EYA1: variants seen among roughly 807,000 people sequenced by gnomAD.
EYA1 encodes the protein protein phosphatase EYA1.
A neutral mutation model predicts 82.0 loss-of-function variants in EYA1; 16 were observed. The ratio of observed to expected loss-of-function variants is 0.20; its 90% CI spans 0.13 to 0.30. The LOEUF (loss-of-function observed/expected upper bound fraction) is 0.30, where lower values mean the gene tolerates loss of function less well. Ranked by LOEUF, EYA1 falls within the 10% of genes least tolerant of loss-of-function variation. The pLI, the probability that EYA1 is intolerant of heterozygous loss-of-function variation, is 1.00. For synonymous variants in EYA1, 261 were observed against 264.4 expected (o/e 0.99, Z 0.12); for missense variants, 633 against 730.7 (o/e 0.87, Z 1.54).
At position 71,354,820 on chromosome 8, in the gene EYA1, T is replaced by C; in HGVS notation, c.86A>G (p.His29Arg). Residue 29 changes from histidine to arginine, a missense_variant, in exon 3 of 18, where the codon CAT becomes CGT. By Grantham distance (29) the His-to-Arg change is conservative. Transcript: ENST00000340726. ...SPSGPKLGNS[H>R]INSNSMTPNG... ...GGGAGTCATGGAATTACTATTTATA[T>C]GAGAGTTACCGAGTTTGGGGCCACT... The C allele has an allele frequency of 1.2e-6, 2 of 1,613,688 alleles. No homozygotes were observed. The highest frequency in any genetic ancestry group is 8.5e-7 in the Non-Finnish European group (1 of 1,179,658).
In EYA1 at chr8:71,448,025, T is replaced by TAGGTAACGGAG. The variant is rs1554586955; in HGVS notation, c.33+87718_33+87719insCTCCGTTACCT. ...GTTTAAGAGCTTTTTTTTTTTTTTTTTCTCGCTCCGTTGCCCAGGCTGCAG... is the reference window on the plus strand; with the variant it reads ...GTTTAAGAGCTTTTTTTTTTTTTTTTAGGTAACGGAGTCTCGCTCCGTTGCCCAGGCTGCAG... On this transcript the variant is annotated intron_variant, in intron 2 of 18. Transcript: ENST00000643681. Among the ~76,000 whole-genome samples, 4 of 116,740 alleles carry TAGGTAACGGAG rather than the reference T, an allele frequency of 3.4e-5. 1 individual carries two copies. Among genetic ancestry groups the TAGGTAACGGAG allele is most frequent in the Admixed American group, 2.0e-4 (2 of 9,778 alleles). The allele number at this position is 116,740 out of a possible 152,430, so 76.6% of individuals were successfully genotyped here.
chr8:71,442,331 T>G (rs1172896422), intron 2 of EYA1, among the ~76,000 whole-genome samples: 1 of 152,242 alleles, frequency 6.6e-6, no homozygotes, highest in Non-Finnish European at 1.5e-5. Context: ...CATTTGAATC[T>G]GGAGGCAAGT....
intron 2 of EYA1, among the ~76,000 whole-genome samples, chr8:71,428,593 T>TATA: frequency 6.6e-6 from 1 of 152,294 alleles, no homozygotes; most frequent in African/African-American, 2.4e-5. Context: ...AAGATCCTGC[T>TATA]ATAGCCAATT....
intron 2 of EYA1, among the ~76,000 whole-genome samples, chr8:71,428,029 G>A (rs1447345169): frequency 6.6e-6 from 1 of 151,832 alleles, no homozygotes; most frequent in Non-Finnish European, 1.5e-5. Context: ...TTTTCATATG[G>A]GTGAGTCTGG....
At chr8:71,401,278 C>G (rs1204527158) in intron 2 of EYA1, among the ~76,000 whole-genome samples, 1 of 152,162 alleles carries the variant, frequency 6.6e-6, no homozygotes, top group East Asian at 1.9e-4. Context: ...ACATGTATCC[C>G]AGAACTTAAA....
intron 2 of EYA1, among the ~76,000 whole-genome samples, chr8:71,472,788 GATATATATATATAT>G (rs71264559): frequency 7.9e-6 from 1 of 126,828 alleles, no homozygotes; most frequent in East Asian, 3.5e-4. Flanking sequence ...TAGCTTTGAA[GATATATATATATAT>G]ATATATATAT....
At chr8:71,279,094 C>T (rs562969730) in intron 9 of EYA1, among the ~76,000 whole-genome samples, 1 of 152,318 alleles carries the variant, frequency 6.6e-6, no homozygotes, top group Admixed American at 6.5e-5. Context: ...GACAATATAG[C>T]TTACAACACA....
At chr8:71,467,501 T>A (rs995330613) in intron 2 of EYA1, among the ~76,000 whole-genome samples, 3 of 152,218 alleles carry the variant, frequency 2.0e-5, no homozygotes, top group Non-Finnish European at 4.4e-5. Context: ...AAACAAGTTA[T>A]GAGCTATTTC....
intron 2 of EYA1, among the ~76,000 whole-genome samples, chr8:71,492,010 C>A (rs988777679): frequency 6.6e-6 from 1 of 152,126 alleles, no homozygotes; most frequent in Non-Finnish European, 1.5e-5. Context: ...GTTTATTTCA[C>A]TCTAGATGGC....
intron 3 of EYA1, among the ~76,000 whole-genome samples, chr8:71,344,358 T>C (rs994440422): frequency 1.3e-5 from 2 of 152,144 alleles, no homozygotes; most frequent in Admixed American, 1.3e-4. Context: ...AATATTAAAG[T>C]AGACTTTTAG....
intron 2 of EYA1, among the ~76,000 whole-genome samples, chr8:71,457,318 G>T (rs1195546027): frequency 3.9e-5 from 6 of 152,182 alleles, no homozygotes; most frequent in Non-Finnish European, 8.8e-5. Context: ...TGGTGGGAGG[G>T]TAAACTAGTT....
At chr8:71,323,121 T>C (rs994532612) in intron 4 of EYA1, among the ~76,000 whole-genome samples, 1 of 152,114 alleles carries the variant, frequency 6.6e-6, no homozygotes, top group Non-Finnish European at 1.5e-5. Flanking sequence ...TCTTTCATTG[T>C]AAACACAGTG....
At chr8:71,426,219 A>G (rs1233598081) in intron 2 of EYA1, among the ~76,000 whole-genome samples, 2 of 152,234 alleles carry the variant, frequency 1.3e-5, no homozygotes, top group Non-Finnish European at 2.9e-5. Context: ...AACTTTTCAA[A>G]TAACTTTTCA....
chr8:71,242,490 ATT>A lies in EYA1; in HGVS notation c.1140+2111_1140+2112del, dbSNP rs796788372. Among the ~76,000 whole-genome samples, 171 of 152,094 alleles carry A rather than the reference ATT, an allele frequency of 1.1e-3. 1 individual carries two copies. The highest frequency in any genetic ancestry group is 4.0e-3 in the African/African-American group (164 of 41,362). ...CCTCATGCCAAAAATAGAATCTGATATTTCAGTAACTTCATAGACTGCTTTTT... is the reference window on the plus strand; with the variant it reads ...CCTCATGCCAAAAATAGAATCTGATATCAGTAACTTCATAGACTGCTTTTT... On this transcript the variant is annotated intron_variant, in intron 12 of 17. Coordinates refer to ENST00000340726, the MANE Select transcript of EYA1 (RefSeq NM_000503.6).
At chr8:71,481,930 T>A (rs1810192437) in intron 2 of EYA1, among the ~76,000 whole-genome samples, 1 of 152,056 alleles carries the variant, frequency 6.6e-6, no homozygotes, top group Admixed American at 6.5e-5. Context: ...GCAAGTTGAA[T>A]CAAACAAAGT....
At chr8:71,494,597 C>T (rs1299813136) in intron 2 of EYA1, among the ~76,000 whole-genome samples, 8 of 152,002 alleles carry the variant, frequency 5.3e-5, no homozygotes, top group Non-Finnish European at 7.4e-5. Flanking sequence ...ACTGCAGTTA[C>T]CATATAACAT....
chr8:71,303,952 T>C (rs1820465176), intron 7 of EYA1, among the ~76,000 whole-genome samples: 1 of 142,362 alleles, frequency 7.0e-6, no homozygotes, highest in Admixed American at 7.0e-5. Flanking sequence ...TGTCTGGTTT[T>C]AAGGTCTATA....
intron 7 of EYA1, among the ~76,000 whole-genome samples, chr8:71,314,838 G>C (rs1054200523): frequency 6.6e-6 from 1 of 152,138 alleles, no homozygotes; most frequent in Non-Finnish European, 1.5e-5. Context: ...CACACAAAAA[G>C]TTTTAATGCA....
intron 12 of EYA1, among the ~76,000 whole-genome samples, chr8:71,226,581 C>T (rs965804263): frequency 1.3e-4 from 19 of 149,838 alleles, no homozygotes; most frequent in Non-Finnish European, 2.4e-4. Context: ...AACTTTTAAA[C>T]AAAATGAGCT....
Sources: gnomAD v4.1 joint callset for allele counts (sites outside exome capture counted in the v4.1 genomes callset) on GRCh38, gnomAD v4.1.1 for gene constraint, MANE v1.5 for transcripts, NCBI Gene and HGNC (gene_info 2026-07-23, HGNC 2026-07-21) for gene names.